Variants in OPCML observed in about 807,000 individuals in gnomAD.
The protein encoded by OPCML is opioid binding protein/cell adhesion molecule like.
In OPCML, 13 loss-of-function variants were observed where a neutral mutation model predicts 37.8. That is an observed-to-expected ratio of 0.34 (90% CI 0.22 to 0.55). The LOEUF (loss-of-function observed/expected upper bound fraction) is 0.55. Ranked by LOEUF, OPCML falls within the 20% of genes least tolerant of loss-of-function variation. OPCML has a pLI of 0.91. For missense variants in OPCML, 341 were observed against 435.6 expected, an observed-to-expected ratio of 0.78 and a Z score of 1.93; for synonymous variants, 176 against 168.8, an observed-to-expected ratio of 1.04 and a Z score of -0.33.
chr11:133,513,891 A>T (rs1948210305), intron 1 of OPCML, among the ~76,000 whole-genome samples: 1 of 152,216 alleles, frequency 6.6e-6, no homozygotes, highest in South Asian at 2.1e-4. Context: ...AGCATCTAAA[A>T]TTGTTGTTGT....
chr11:133,520,320 T>A (rs542489259), intron 1 of OPCML, among the ~76,000 whole-genome samples: 1 of 152,268 alleles, frequency 6.6e-6, no homozygotes, highest in African/African-American at 2.4e-5. Flanking sequence ...GGTCTTTTTC[T>A]GAGGCTCCCA....
chr11:133,147,730 C>T (rs1179773312), intron 1 of OPCML, among the ~76,000 whole-genome samples: 1 of 152,168 alleles, frequency 6.6e-6, no homozygotes, highest in African/African-American at 2.4e-5. Flanking sequence ...GAGTGCCAGG[C>T]ACCAGAGCAG....
At chr11:132,512,945 A>T (rs1188830377) in intron 4 of OPCML, among the ~76,000 whole-genome samples, 3 of 152,030 alleles carry the variant, frequency 2.0e-5, no homozygotes, top group Non-Finnish European at 4.4e-5. Flanking sequence ...GTCAAAACTC[A>T]CCAAAAGCTG....
chr11:132,806,276 G>C (rs1309379893), intron 2 of OPCML, among the ~76,000 whole-genome samples: 1 of 152,062 alleles, frequency 6.6e-6, no homozygotes, highest in East Asian at 1.9e-4. Context: ...ATAATTACAT[G>C]AAATGTGAAG....
chr11:133,375,570 T>A (rs1944784444), intron 1 of OPCML, among the ~76,000 whole-genome samples: 1 of 152,204 alleles, frequency 6.6e-6, no homozygotes, highest in Non-Finnish European at 1.5e-5. Flanking sequence ...GATCATGCCC[T>A]GATGTGATCT....
chr11:132,838,159 T>C (rs150664007), intron 2 of OPCML, among the ~76,000 whole-genome samples: 2 of 152,204 alleles, frequency 1.3e-5, no homozygotes, highest in Non-Finnish European at 2.9e-5. Context: ...TTCCAGCAAA[T>C]ACAAACTAAA....
At chr11:132,813,921 G>A (rs1939486732) in intron 2 of OPCML, among the ~76,000 whole-genome samples, 1 of 152,194 alleles carries the variant, frequency 6.6e-6, no homozygotes, top group South Asian at 2.1e-4. Context: ...AGATAGGTGT[G>A]CGTTTTACAT....
intron 4 of OPCML, among the ~76,000 whole-genome samples, chr11:132,505,459 C>T (rs545313430): frequency 2.0e-5 from 3 of 152,094 alleles, no homozygotes; most frequent in African/African-American, 7.2e-5. Flanking sequence ...AGACAGCCAC[C>T]TGACAACCTC....
At chr11:132,687,240 G>A (rs966132766) in intron 2 of OPCML, among the ~76,000 whole-genome samples, 1 of 150,992 alleles carries the variant, frequency 6.6e-6, no homozygotes, top group Admixed American at 6.6e-5. Context: ...ATCCTATTAA[G>A]GTCAGTTTTG....
chr11:133,046,857 A>G (rs1031104613), intron 1 of OPCML, among the ~76,000 whole-genome samples: 1 of 152,208 alleles, frequency 6.6e-6, no homozygotes, highest in Admixed American at 6.5e-5. Context: ...ACCCATCACA[A>G]ATAGAACTGC....
At chr11:133,136,828 CGTGTGTGT>C (rs141952561) in intron 1 of OPCML, among the ~76,000 whole-genome samples, 5,780 of 126,334 alleles carry the variant, frequency 0.046, 347 homozygotes, top group African/African-American at 0.15. Context: ...TCTATGTGCA[CGTGTGTGT>C]GTGTGTGTGT....
At chr11:133,140,913 AGAAGAAGAC>A (rs1478967037) in intron 1 of OPCML, among the ~76,000 whole-genome samples, 1 of 16,090 alleles carries the variant, frequency 6.2e-5, no homozygotes, top group Non-Finnish European at 1.7e-4. Flanking sequence ...ACGACGAAGA[AGAAGAAGAC>A]GACGACGACG....
intron 2 of OPCML, among the ~76,000 whole-genome samples, chr11:132,881,231 G>A (rs1943212252): frequency 6.6e-6 from 1 of 152,230 alleles, no homozygotes; most frequent in African/African-American, 2.4e-5. Context: ...AAAACACTGG[G>A]TGAGGGAATG....
intron 1 of OPCML, among the ~76,000 whole-genome samples, chr11:133,119,821 C>T (rs1249313294): frequency 1.3e-5 from 2 of 152,128 alleles, no homozygotes; most frequent in Non-Finnish European, 2.9e-5. Flanking sequence ...ATGTTCACGT[C>T]GCACAGGATG....
chr11:132,711,278 T>C (rs1308125039), intron 2 of OPCML, among the ~76,000 whole-genome samples: 1 of 152,194 alleles, frequency 6.6e-6, no homozygotes, highest in African/African-American at 2.4e-5. Flanking sequence ...GATGAACTGA[T>C]GTGAAGACTA....
At chr11:132,595,103 G>A (rs890319226) in intron 3 of OPCML, among the ~76,000 whole-genome samples, 8 of 152,038 alleles carry the variant, frequency 5.3e-5, no homozygotes, top group African/African-American at 1.9e-4. Context: ...TCTGTGAACT[G>A]AGAGACTGTT....
chr11:133,146,670 G>A (rs910242862), intron 1 of OPCML, among the ~76,000 whole-genome samples: 2 of 152,054 alleles, frequency 1.3e-5, no homozygotes, highest in African/African-American at 4.8e-5. Context: ...ATGTTGGCCA[G>A]GCTGGGTCTT....
rs562752073 is a variant in OPCML, at chr11:133,245,948, C to T, written c.61+286316G>A. On this transcript the variant is annotated intron_variant, in intron 1 of 7. Coordinates refer to ENST00000524381, the MANE Select transcript of OPCML (RefSeq NM_001012393.5). ...CACATGGACACATGGAGGGGAACATCACACACTGGGTCCTATTTGGGGGCT... is the reference window on the plus strand; with the variant it reads ...CACATGGACACATGGAGGGGAACATTACACACTGGGTCCTATTTGGGGGCT... 1.4e-3 allele frequency among the ~76,000 whole-genome samples: 217 copies of T among 152,064 alleles called. 5 individuals are homozygous for T. The highest frequency in any genetic ancestry group is 0.01 in the Middle Eastern group (3 of 294).
chr11:132,964,611 A>G (rs772243667), intron 1 of OPCML, among the ~76,000 whole-genome samples: 1 of 152,176 alleles, frequency 6.6e-6, no homozygotes. Context: ...CCTGCTCACC[A>G]GTCCTCCCTG....
Sources: allele counts gnomAD v4.1 joint callset (sites outside exome capture counted in the v4.1 genomes callset), GRCh38; gene constraint gnomAD v4.1.1; transcripts MANE v1.5; gene names NCBI Gene and HGNC (gene_info 2026-07-23, HGNC 2026-07-21).